GNL3L: variants seen among roughly 807,000 people sequenced by gnomAD.
GNL3L encodes the protein G protein nucleolar 3 like, also known as guanine nucleotide-binding protein-like 3-like protein.
GNL3L carries 4 observed loss-of-function variants against 42.9 expected under a neutral mutation model. The observed-to-expected ratio is 0.09, with a 90% CI of 0.05 to 0.21. The LOEUF is 0.21. Among genes scored for constraint, GNL3L ranks in the 10% least tolerant of loss-of-function variants. GNL3L has a pLI of 1.00. For missense variants in GNL3L, 412 were observed against 481.7 expected, an observed-to-expected ratio of 0.86 and a Z score of 1.36; for synonymous variants, 159 against 176.3, an observed-to-expected ratio of 0.90 and a Z score of 0.78.
intron 14 of GNL3L, among the ~76,000 whole-genome samples, chrX:54,556,505 C>T (rs762521290): frequency 1.8e-5 from 2 of 110,908 alleles, no homozygotes; most frequent in Non-Finnish European, 3.8e-5. Flanking sequence ...CAGCCAAACC[C>T]TATCAAGCCA....
chrX:54,616,032 C>T (rs1926216721), intron 16 of GNL3L, among the ~76,000 whole-genome samples: 1 of 113,140 alleles, frequency 8.8e-6, no homozygotes, highest in African/African-American at 3.2e-5. Flanking sequence ...ATCAACTCTC[C>T]TGTGATTTTA....
chrX:54,644,553 C>G, the GNL3L span, among the ~76,000 whole-genome samples: 1 of 112,015 alleles, frequency 8.9e-6, no homozygotes, highest in Non-Finnish European at 1.9e-5. Context: ...GGAATGTCAC[C>G]TTTATCAAAT....
intron 16 of GNL3L, among the ~76,000 whole-genome samples, chrX:54,580,824 A>T (rs1008859161): frequency 8.9e-6 from 1 of 112,248 alleles, no homozygotes; most frequent in Non-Finnish European, 1.9e-5. Flanking sequence ...TCTGTCACCC[A>T]GGCTGGAGTG....
At chrX:54,631,356 T>C in the GNL3L span, among the ~76,000 whole-genome samples, 2 of 110,961 alleles carry the variant, frequency 1.8e-5, no homozygotes, top group African/African-American at 6.6e-5. Flanking sequence ...ACTATTACTA[T>C]GTTGCCATCT....
chrX:54,556,127 G>C (rs1925087524), intron 14 of GNL3L, among the ~76,000 whole-genome samples: 1 of 111,170 alleles, frequency 9.0e-6, no homozygotes, highest in East Asian at 2.8e-4. Context: ...TCTTGCTTGA[G>C]TCATGTATTA....
chrX:54,591,702 T>C (rs775093860), intron 16 of GNL3L, among the ~76,000 whole-genome samples: 1 of 111,571 alleles, frequency 9.0e-6, no homozygotes, highest in East Asian at 2.8e-4. Flanking sequence ...TACCATGCTG[T>C]TTTGGTTACT....
chrX:54,551,510 C>T (rs1924937756), intron 10 of GNL3L, 58 bp from the exon 11 acceptor site: 3 of 1,045,264 alleles, frequency 2.9e-6, no homozygotes, highest in South Asian at 2.0e-5. Context: ...GGCCCACCTT[C>T]GTGATTGGGG....
chrX:54,549,395 G>A (rs1045187933), intron 9 of GNL3L, among the ~76,000 whole-genome samples: 2 of 111,710 alleles, frequency 1.8e-5, no homozygotes, highest in African/African-American at 6.5e-5. Flanking sequence ...CCCCCAACGC[G>A]CATAGAACCA....
downstream of GNL3L, among the ~76,000 whole-genome samples, chrX:54,622,273 A>AT (rs773487259): frequency 0.058 from 3,396 of 59,011 alleles, 637 homozygotes; most frequent in African/African-American, 0.19. Context: ...AGTTGCAGGA[A>AT]TTTTTTTTTT....
chrX:54,622,273 ATTTTTTTT>A (rs773487259), downstream of GNL3L, among the ~76,000 whole-genome samples: 9 of 59,000 alleles, frequency 1.5e-4, no homozygotes, highest in African/African-American at 9.7e-4. Flanking sequence ...AGTTGCAGGA[ATTTTTTTT>A]TTTTTTTTTT....
At chrX:54,571,309 T>C (rs944959115), downstream of GNL3L, among the ~76,000 whole-genome samples, 5 of 107,059 alleles carry the variant, frequency 4.7e-5, no homozygotes, top group Non-Finnish European at 9.6e-5. Flanking sequence ...TTCTCCTGCC[T>C]CAGCCTCCCG....
At chrX:54,572,676 C>T (rs780990178) in intron 16 of GNL3L, among the ~76,000 whole-genome samples, 24 of 108,679 alleles carry the variant, frequency 2.2e-4, no homozygotes, top group Admixed American at 1.6e-3. Context: ...GCTGGCCTGG[C>T]GGGGGGCTGA....
At chrX:54,549,650 G>A (rs1924875023) in intron 9 of GNL3L, among the ~76,000 whole-genome samples, 1 of 112,656 alleles carries the variant, frequency 8.9e-6, no homozygotes, top group African/African-American at 3.2e-5. Flanking sequence ...AGTGAGTTGA[G>A]GTTACAGTGA....
chrX:54,642,559 G>A, the GNL3L span, among the ~76,000 whole-genome samples: 2 of 109,634 alleles, frequency 1.8e-5, no homozygotes, highest in Non-Finnish European at 3.8e-5. Flanking sequence ...TTTTTCCTTC[G>A]CCAGCTTTAA....
At chrX:54,574,994 TTGTC>T (rs1925614383) in intron 16 of GNL3L, among the ~76,000 whole-genome samples, 1 of 112,494 alleles carries the variant, frequency 8.9e-6, no homozygotes, top group Admixed American at 9.4e-5. Context: ...ATAATTTGTG[TTGTC>T]TGTCTTTGTT....
At chrX:54,641,079 G>T in the GNL3L span, among the ~76,000 whole-genome samples, 1 of 111,152 alleles carries the variant, frequency 9.0e-6, no homozygotes, top group African/African-American at 3.3e-5. Flanking sequence ...GGTGCCTTTG[G>T]GACATCTAAA....
chrX:54,572,043 T>C, downstream of GNL3L, among the ~76,000 whole-genome samples: 1 of 108,684 alleles, frequency 9.2e-6, no homozygotes, highest in Middle Eastern at 4.7e-3. Flanking sequence ...TTCTTGGGTG[T>C]TTCTCACAGA....
intron 16 of GNL3L, among the ~76,000 whole-genome samples, chrX:54,604,070 C>T (rs983162464): frequency 9.0e-6 from 1 of 110,755 alleles, no homozygotes; most frequent in Admixed American, 9.6e-5. Flanking sequence ...CTGGGGAGGT[C>T]GAGGCTACAA....
intron 16 of GNL3L, among the ~76,000 whole-genome samples, chrX:54,581,184 A>G (rs1270547770): frequency 8.9e-6 from 1 of 112,510 alleles, no homozygotes; most frequent in African/African-American, 3.2e-5. Context: ...AAACTATAAT[A>G]CCATATAACT....
Sources: gnomAD v4.1 joint callset for allele counts (sites outside exome capture counted in the v4.1 genomes callset) on GRCh38, gnomAD v4.1.1 for gene constraint, MANE v1.5 for transcripts, NCBI Gene and HGNC (gene_info 2026-07-23, HGNC 2026-07-21) for gene names.